Variants in STRN3 observed in about 807,000 individuals in gnomAD.
STRN3 encodes the protein striatin-3.
STRN3 carries 29 observed loss-of-function variants against 95.6 expected under a neutral mutation model. That is an observed-to-expected ratio of 0.30 (90% CI 0.23 to 0.41). The LOEUF is 0.41. STRN3 is among the 10% of genes least tolerant of loss of function. STRN3 has a pLI of 1.00. For synonymous variants in STRN3, 331 were observed against 357.6 expected, an observed-to-expected ratio of 0.93 and a Z score of 0.84; for missense variants, 890 against 972.1, an observed-to-expected ratio of 0.92 and a Z score of 1.12.
At position 30,913,673 on chromosome 14, in the gene STRN3, C is replaced by T; in HGVS notation, c.1241-16G>A. 1 of 1,611,774 alleles carries T rather than the reference C, an allele frequency of 6.2e-7. No homozygotes were observed. Among genetic ancestry groups the T allele is most frequent in the South Asian group, 1.1e-5 (1 of 90,826 alleles). On this transcript the variant is annotated splice_polypyrimidine_tract_variant and intron_variant, in intron 9 of 17. Transcript: ENST00000357479. ...ATTGGTTCAGCTATAAAGAACAAAA[C>T]CGCTTCTTAAATGCTGAAAAATCAT...
At chr14:30,992,930 T>C (rs1466583663) in intron 1 of STRN3, among the ~76,000 whole-genome samples, 1 of 152,186 alleles carries the variant, frequency 6.6e-6, no homozygotes, top group Non-Finnish European at 1.5e-5. Context: ...GCTCAAGTGA[T>C]CCTCCCAACT....
chr14:31,022,124 A>G (rs945506536), intron 1 of STRN3, among the ~76,000 whole-genome samples: 6 of 152,176 alleles, frequency 3.9e-5, no homozygotes, highest in African/African-American at 1.4e-4. Context: ...TCACGCCTGT[A>G]ATCCCAGCAC....
intron 1 of STRN3, among the ~76,000 whole-genome samples, chr14:31,012,889 C>T (rs1883034330): frequency 2.7e-5 from 4 of 146,998 alleles, no homozygotes; most frequent in South Asian, 2.2e-4. Flanking sequence ...AGCAAAACTC[C>T]GTCTCAAAAA....
chr14:30,964,878 C>T (rs1173443045), intron 1 of STRN3, among the ~76,000 whole-genome samples: 4 of 151,182 alleles, frequency 2.6e-5, no homozygotes, highest in African/African-American at 9.7e-5. Context: ...GAGATAGCAC[C>T]ACTGCACTCC....
chr14:30,929,961 A>AAAAACAAC (rs1566441371), intron 7 of STRN3, among the ~76,000 whole-genome samples: 1 of 144,152 alleles, frequency 6.9e-6, no homozygotes, highest in Non-Finnish European at 1.5e-5. Context: ...TAGCAAAAAA[A>AAAAACAAC]AAAAAAAAAA....
At chr14:30,983,166 T>C (rs1198050139) in intron 1 of STRN3, among the ~76,000 whole-genome samples, 1 of 152,190 alleles carries the variant, frequency 6.6e-6, no homozygotes, top group East Asian at 1.9e-4. Context: ...CTGTAAAATA[T>C]GGAAATGACC....
At chr14:31,009,520 C>CG (rs1359679627) in intron 1 of STRN3, among the ~76,000 whole-genome samples, 1 of 149,602 alleles carries the variant, frequency 6.7e-6, no homozygotes, top group Non-Finnish European at 1.5e-5. Flanking sequence ...TGCATTTGTA[C>CG]GGAAAAAATT....
At chr14:31,004,082 G>C (rs1011528883) in intron 1 of STRN3, among the ~76,000 whole-genome samples, 6 of 152,000 alleles carry the variant, frequency 3.9e-5, no homozygotes, top group African/African-American at 1.4e-4. Context: ...CCAAGCATTC[G>C]AGACCAGCTT....
chr14:30,929,427 C>A, intron 7 of STRN3, 116 bp from the exon 8 acceptor site: 1 of 766,808 alleles, frequency 1.3e-6, no homozygotes, highest in South Asian at 1.7e-5. Flanking sequence ...AGCATATACT[C>A]AAAATACTTT....
chr14:30,997,548 C>T (rs1318089587), intron 1 of STRN3, among the ~76,000 whole-genome samples: 5 of 152,208 alleles, frequency 3.3e-5, no homozygotes, highest in African/African-American at 9.7e-5. Context: ...AAGGCTCTGG[C>T]TTAAACCTTC....
intron 1 of STRN3, among the ~76,000 whole-genome samples, chr14:30,961,979 T>C (rs1880230364): frequency 1.1e-5 from 1 of 87,530 alleles, no homozygotes; most frequent in Non-Finnish European, 3.1e-5. Context: ...AGGCAGGTCC[T>C]TCAGGAAGTA....
intron 5 of STRN3, among the ~76,000 whole-genome samples, chr14:30,939,214 A>G (rs1878973364): frequency 1.3e-5 from 2 of 152,178 alleles, no homozygotes; most frequent in South Asian, 2.1e-4. Context: ...GACTGTCTCT[A>G]TCTTACAAGG....
chr14:30,907,487 G>A (rs1241367652), intron 13 of STRN3, among the ~76,000 whole-genome samples: 1 of 152,004 alleles, frequency 6.6e-6, no homozygotes, highest in Non-Finnish European at 1.5e-5. Context: ...ACAAGTCTAG[G>A]CAACAACTAA....
At chr14:30,915,899 T>C (rs1896725984) in intron 9 of STRN3, among the ~76,000 whole-genome samples, 1 of 152,252 alleles carries the variant, frequency 6.6e-6, no homozygotes. Context: ...TACTCGAGTT[T>C]TGGCTTAATT....
chr14:31,013,941 T>C (rs1414077052), intron 1 of STRN3, among the ~76,000 whole-genome samples: 2 of 150,220 alleles, frequency 1.3e-5, no homozygotes, highest in Non-Finnish European at 1.5e-5. Flanking sequence ...GTCAGTCTAT[T>C]GACCAGACTA....
At chr14:30,974,408 G>C (rs60006618) in intron 1 of STRN3, among the ~76,000 whole-genome samples, 1 of 152,016 alleles carries the variant, frequency 6.6e-6, no homozygotes, top group Non-Finnish European at 1.5e-5. Context: ...AATGCTGAAA[G>C]AAATTAAGAC....
At chr14:30,982,183 T>C (rs960003761) in intron 1 of STRN3, among the ~76,000 whole-genome samples, 1 of 150,988 alleles carries the variant, frequency 6.6e-6, no homozygotes, top group Admixed American at 6.6e-5. Flanking sequence ...ATAAAACTTA[T>C]CTCTTCTACT....
Position 30,929,386 on chromosome 14 carries a change from G to C in STRN3, c.989-75C>G, listed in dbSNP as rs747478677. On this transcript the variant is annotated intron_variant, in intron 7 of 17. Transcript: ENST00000357479. ...AAGCTGTTGGCAGTAAACTGTTATA[G>C]CTTTACATAATCATAATAAAATGTA... The C allele has an allele frequency of 1.5e-5, 16 of 1,089,558 alleles. 1 individual carries two copies. In the South Asian group the frequency reaches 1.9e-4, roughly 13 times the overall value. The allele number at this position is 1,089,558 out of a possible 1,614,324, so 67.5% of individuals were successfully genotyped here.
intron 5 of STRN3, among the ~76,000 whole-genome samples, chr14:30,938,850 C>T: frequency 6.6e-6 from 1 of 152,056 alleles, no homozygotes; most frequent in East Asian, 1.9e-4. Context: ...TGCAAATAAG[C>T]ATATGAACAG....
Sources: gnomAD v4.1 joint callset for allele counts (sites outside exome capture counted in the v4.1 genomes callset) on GRCh38, gnomAD v4.1.1 for gene constraint, MANE v1.5 for transcripts, NCBI Gene and HGNC (gene_info 2026-07-23, HGNC 2026-07-21) for gene names.